DNAH8: variants seen among roughly 807,000 people sequenced by gnomAD.
The protein encoded by DNAH8 is dynein axonemal heavy chain 8.
DNAH8 carries 382 observed loss-of-function variants against 562.1 expected under a neutral mutation model. The observed-to-expected ratio is 0.68, with a 90% confidence interval of 0.63 to 0.74. The LOEUF (loss-of-function observed/expected upper bound fraction) is 0.74. Among genes scored for constraint, DNAH8 ranks in the 30% least tolerant of loss-of-function variants. The pLI is 0.00. For missense variants in DNAH8, 5,203 were observed against 5,620.4 expected (o/e 0.93, Z 2.37); for synonymous variants, 1,881 against 1,919.4 (o/e 0.98, Z 0.52).
intron 3 of DNAH8, among the ~76,000 whole-genome samples, chr6:38,724,999 CG>C (rs1763087470): frequency 6.6e-6 from 1 of 151,842 alleles, no homozygotes; most frequent in Non-Finnish European, 1.5e-5. Context: ...TCTATGGAAC[CG>C]TGCCTAAAAG....
intron 20 of DNAH8, among the ~76,000 whole-genome samples, chr6:38,790,767 G>C (rs1269915663): frequency 3.3e-5 from 5 of 151,434 alleles, no homozygotes; most frequent in Non-Finnish European, 7.4e-5. Flanking sequence ...AGGTTGCAGT[G>C]AGCCGAGATC....
chr6:38,847,306 T>A (rs1164830124), intron 36 of DNAH8, among the ~76,000 whole-genome samples: 4 of 151,836 alleles, frequency 2.6e-5, no homozygotes, highest in African/African-American at 9.7e-5. Context: ...TTATACACCA[T>A]CAAGGATGAC....
At chr6:38,877,701 A>G (rs965788255) in intron 53 of DNAH8, among the ~76,000 whole-genome samples, 1 of 152,184 alleles carries the variant, frequency 6.6e-6, no homozygotes, top group Non-Finnish European at 1.5e-5. Context: ...TAATTTTTTT[A>G]TGGACATTAA....
At chr6:38,934,417 A>G (rs1434682630) in intron 76 of DNAH8, among the ~76,000 whole-genome samples, 1 of 151,684 alleles carries the variant, frequency 6.6e-6, no homozygotes, top group African/African-American at 2.4e-5. Context: ...AACAAAAAAC[A>G]AAACAAACTA....
chr6:38,741,695 A>AT lies in DNAH8; in HGVS notation c.1117-9dup. 3 of 1,566,856 alleles carry AT rather than the reference A, an allele frequency of 1.9e-6. No individual in the cohort carries two copies. Among genetic ancestry groups the AT allele is most frequent in the Non-Finnish European group, 1.7e-6 (2 of 1,161,908 alleles). The stretch of plus-strand genomic sequence containing the variant: ...AATGTAACATTTCTATATTTTATAA[A>AT]TTTTTTTGACTGCAGGTACTTATTG... On this transcript the variant is annotated splice_polypyrimidine_tract_variant and intron_variant, in intron 7 of 92. Transcript: ENST00000327475.
chr6:38,969,553 T>A (rs9366989), intron 82 of DNAH8, among the ~76,000 whole-genome samples: 1 of 151,976 alleles, frequency 6.6e-6, no homozygotes, highest in East Asian at 1.9e-4. Flanking sequence ...AAAGTCTTGC[T>A]GACAGGGTGA....
chr6:38,894,970 C>A (rs1336302909), intron 59 of DNAH8, 106 bp downstream of exon 59: 3 of 1,214,794 alleles, frequency 2.5e-6, no homozygotes, highest in Middle Eastern at 2.6e-4. Context: ...CTCTTGTTGC[C>A]CAGGCTGGAG....
At position 38,905,438 on chromosome 6, in the gene DNAH8, A is replaced by G. The variant is rs137948826; in HGVS notation, c.9195-816A>G. Among the ~76,000 whole-genome samples, 104 of 152,316 alleles carry G rather than the reference A, an allele frequency of 6.8e-4. No homozygotes were observed. In the East Asian group the frequency reaches 0.015, roughly 21 times the overall value. ...TCTATTATTTATACCTTATTGCACA[A>G]TGCATCTTTTTCTGTGGGTTTTCTT... On this transcript the variant is annotated intron_variant, in intron 62 of 92. Transcript: ENST00000327475.
intron 62 of DNAH8, among the ~76,000 whole-genome samples, chr6:38,905,367 AAAGACC>A (rs1423870017): frequency 6.6e-6 from 1 of 152,224 alleles, no homozygotes; most frequent in African/African-American, 2.4e-5. Context: ...ACCAAAAAAC[AAAGACC>A]AAGATCTTTT....
intron 88 of DNAH8, among the ~76,000 whole-genome samples, chr6:39,007,141 C>T (rs538858821): frequency 6.6e-6 from 1 of 152,144 alleles, no homozygotes; most frequent in South Asian, 2.1e-4. Context: ...CATATCTTCT[C>T]CAGAAGTTTT....
At chr6:38,935,425 A>G (rs1441064708) in intron 76 of DNAH8, among the ~76,000 whole-genome samples, 167 bp from the exon 77 acceptor site, 2 of 152,240 alleles carry the variant, frequency 1.3e-5, no homozygotes, top group Non-Finnish European at 2.9e-5. Flanking sequence ...TTCCACAGAA[A>G]CAAAAATATG....
In DNAH8 at chr6:38,815,901, C is replaced by T. The variant is rs541984304; in HGVS notation, c.3523+244C>T. ...AAAATAAACCTTAGCACTAATTTTA[C>T]TTTCTGCATGATAGTAGGTTGGATA... is the stretch of plus-strand genomic sequence containing the variant. On this transcript the variant is annotated intron_variant, in intron 26 of 92. Coordinates refer to ENST00000327475, the MANE Select transcript of DNAH8 (RefSeq NM_001206927.2). 1.2e-3 allele frequency among the ~76,000 whole-genome samples: 180 copies of T among 152,096 alleles called. 1 individual carries two copies. Among genetic ancestry groups the T allele is most frequent in the African/African-American group, 3.9e-3 (162 of 41,480 alleles).
intron 88 of DNAH8, among the ~76,000 whole-genome samples, chr6:39,006,820 ATCT>A (rs1447745654): frequency 3.9e-5 from 6 of 152,194 alleles, no homozygotes; most frequent in East Asian, 1.9e-4. Flanking sequence ...GTTACCTATC[ATCT>A]TCTTCTGACA....
intron 62 of DNAH8, among the ~76,000 whole-genome samples, chr6:38,902,950 T>A (rs947936403): frequency 2.6e-5 from 4 of 152,236 alleles, no homozygotes; most frequent in Non-Finnish European, 5.9e-5. Flanking sequence ...AGCTGCCCTA[T>A]ACACGAGTAG....
In DNAH8 at chr6:38,737,228, C is replaced by A; in HGVS notation, c.924C>A (p.Thr308=). ...GESEKHIFTE[T]INRYLSFLDG... is the part of the protein sequence containing the mutation. ...CTGAAAAACATATTTTCACTGAAAC[C>A]ATCAACAGATATCTTTCATTTTTAG... The change falls in exon 6 of 93, where the codon ACC becomes ACA. Residue 308 remains threonine, a synonymous_variant. Coordinates refer to ENST00000327475, the MANE Select transcript of DNAH8 (RefSeq NM_001206927.2). 1 of 1,474,172 alleles carries A rather than the reference C, an allele frequency of 6.8e-7. No individual in the cohort carries two copies. Among genetic ancestry groups the A allele is most frequent in the Non-Finnish European group, 9.0e-7 (1 of 1,107,702 alleles). The allele number at this position is 1,474,172 out of a possible 1,614,324, so 91.3% of individuals were successfully genotyped here.
chr6:38,919,947 A>G (rs1395132850), intron 70 of DNAH8, among the ~76,000 whole-genome samples: 1 of 152,240 alleles, frequency 6.6e-6, no homozygotes, highest in Non-Finnish European at 1.5e-5. Flanking sequence ...AACATTAAAA[A>G]TTAGAGAAAA....
At position 38,722,773 on chromosome 6, in the gene DNAH8, T is replaced by C; in HGVS notation, c.-34-3T>C. ...TTTAAACGAACCTATGTTATAATTC[T>C]AGGTTTCGAAGTATAAAGCATTCCG... is the stretch of plus-strand genomic sequence containing the variant. On this transcript the variant is annotated splice_polypyrimidine_tract_variant and splice_region_variant and intron_variant, in intron 1 of 92. Coordinates refer to ENST00000327475, the MANE Select transcript of DNAH8 (RefSeq NM_001206927.2). 2 of 1,522,492 alleles carry C rather than the reference T, an allele frequency of 1.3e-6. No homozygotes were observed. The highest frequency in any genetic ancestry group is 1.8e-6 in the Non-Finnish European group (2 of 1,136,792). The allele number at this position is 1,522,492 out of a possible 1,614,324, so 94.3% of individuals were successfully genotyped here.
chr6:38,868,851 T>C (rs768231299), intron 48 of DNAH8, among the ~76,000 whole-genome samples: 32 of 151,952 alleles, frequency 2.1e-4, no homozygotes, highest in Non-Finnish European at 2.8e-4. Flanking sequence ...TTGTACTGTT[T>C]TGTAGAGATA....
chr6:38,912,627 G>A (rs1359300032), intron 66 of DNAH8, among the ~76,000 whole-genome samples: 6 of 152,180 alleles, frequency 3.9e-5, no homozygotes, highest in Admixed American at 3.9e-4. Context: ...GATCAGTAGT[G>A]TGCTGAAGCC....
Sources: gnomAD v4.1 joint callset for allele counts (sites outside exome capture counted in the v4.1 genomes callset) on GRCh38, gnomAD v4.1.1 for gene constraint, MANE v1.5 for transcripts, NCBI Gene and HGNC (gene_info 2026-07-23, HGNC 2026-07-21) for gene names.